Variants in ANO4 observed in about 807,000 individuals in gnomAD.
ANO4 encodes anoctamin-4.
ANO4 carries 69 observed loss-of-function variants against 141.9 expected under a neutral mutation model. That is an observed-to-expected ratio of 0.49 (90% CI 0.40 to 0.59). The LOEUF (loss-of-function observed/expected upper bound fraction) is 0.59, where lower values mean the gene tolerates loss of function less well. ANO4 is among the 20% of genes least tolerant of loss of function. ANO4 has a pLI of 0.00. For missense variants in ANO4, 894 were observed against 1,162.2 expected (o/e 0.77, Z 3.36); for synonymous variants, 350 against 394.3 (o/e 0.89, Z 1.33).
intron 11 of ANO4, 150 bp from the exon 12 acceptor site, chr12:101,042,184 A>G: frequency 2.2e-6 from 2 of 926,060 alleles, no homozygotes; most frequent in Non-Finnish European, 3.2e-6. Context: ...CCCAGATCCT[A>G]GATTTGATGG....
intron 1 of ANO4, among the ~76,000 whole-genome samples, chr12:100,795,278 G>A (rs1171960788): frequency 6.6e-6 from 1 of 152,188 alleles, no homozygotes; most frequent in African/African-American, 2.4e-5. Context: ...TGTCCTTGAA[G>A]CAGCAGCCGG....
At chr12:100,754,736 G>A (rs183046842) in intron 3 of ANO4, among the ~76,000 whole-genome samples, 3 of 152,312 alleles carry the variant, frequency 2.0e-5, no homozygotes, top group Admixed American at 2.0e-4. Context: ...TTATTCAGCT[G>A]TAGAAGGAAT....
chr12:100,834,662 CA>C (rs1213153720), intron 1 of ANO4, among the ~76,000 whole-genome samples: 2 of 152,014 alleles, frequency 1.3e-5, no homozygotes, highest in African/African-American at 4.8e-5. Flanking sequence ...AGTCAATGAG[CA>C]AGATTAGAAA....
chr12:100,929,060 A>C lies in ANO4; in HGVS notation c.160+6730A>C, dbSNP rs530166926. On this transcript the variant is annotated intron_variant, in intron 3 of 27. Coordinates refer to ENST00000392977, the MANE Select transcript of ANO4 (RefSeq NM_001286615.2). ...TTGATACAGGCATACAATGTTTAGT[A>C]ATCACATCAGTGTAAATGGGGTATC... Among the ~76,000 whole-genome samples, 13 of 152,224 alleles carry C rather than the reference A, an allele frequency of 8.5e-5. No individual in the cohort carries two copies. The East Asian group carries it at 2.1e-3, about 25-fold the overall frequency.
At chr12:100,801,093 G>GTC (rs35462149) in intron 1 of ANO4, among the ~76,000 whole-genome samples, 10,550 of 147,142 alleles carry the variant, frequency 0.072, 464 homozygotes, top group East Asian at 0.24. Flanking sequence ...TTGTCTACTT[G>GTC]TCTCTCTCTC....
chr12:100,955,344 T>C (rs1259287385), intron 5 of ANO4, among the ~76,000 whole-genome samples: 2 of 152,114 alleles, frequency 1.3e-5, no homozygotes, highest in Non-Finnish European at 2.9e-5. Flanking sequence ...ATGGCTGGAA[T>C]GTTGGTGTTG....
chr12:101,086,630 G>A (rs1246321139), intron 16 of ANO4, 30 bp from the exon 17 acceptor site: 2 of 1,612,058 alleles, frequency 1.2e-6, no homozygotes, highest in Admixed American at 1.7e-5. Flanking sequence ...TCCACCAAGA[G>A]GTTCACCGGG....
At chr12:100,923,964 G>T (rs1457526225) in intron 3 of ANO4, among the ~76,000 whole-genome samples, 3 of 151,958 alleles carry the variant, frequency 2.0e-5, no homozygotes, top group African/African-American at 4.8e-5. Context: ...CATATCCTTT[G>T]CCCACTTTTT....
At chr12:101,057,679 T>C (rs2048178702) in intron 14 of ANO4, among the ~76,000 whole-genome samples, 1 of 152,222 alleles carries the variant, frequency 6.6e-6, no homozygotes, top group South Asian at 2.1e-4. Context: ...GAAGTTTCTG[T>C]TCATATCCTT....
At chr12:100,773,408 C>T (rs2033377773) in intron 3 of ANO4, among the ~76,000 whole-genome samples, 1 of 152,322 alleles carries the variant, frequency 6.6e-6, no homozygotes, top group East Asian at 1.9e-4. Context: ...CTGGTCATTG[C>T]ACAAGAATAT....
At chr12:101,048,217 T>C in intron 13 of ANO4, 124 bp from the exon 14 acceptor site, 2 of 1,156,704 alleles carry the variant, frequency 1.7e-6, no homozygotes, top group Non-Finnish European at 2.4e-6. Context: ...ATATTCCCCC[T>C]ACCCAAAACA....
intron 1 of ANO4, among the ~76,000 whole-genome samples, chr12:100,842,684 TG>T (rs1321424256): frequency 6.6e-6 from 1 of 152,112 alleles, no homozygotes; most frequent in Non-Finnish European, 1.5e-5. Flanking sequence ...ATTCAGTGTC[TG>T]GTGAGGGCTG....
intron 3 of ANO4, among the ~76,000 whole-genome samples, chr12:100,788,970 C>T (rs564809559): frequency 2.0e-5 from 3 of 151,620 alleles, no homozygotes; most frequent in African/African-American, 4.8e-5. Flanking sequence ...GGGTTCCAAG[C>T]AAAAGAAACA....
upstream of ANO4, among the ~76,000 whole-genome samples, chr12:100,792,753 A>G (rs771710867): frequency 4.6e-5 from 7 of 152,196 alleles, no homozygotes; most frequent in South Asian, 2.1e-4. Flanking sequence ...TATTCAAGGT[A>G]TGAACCCGTT....
chr12:100,858,553 T>TA (rs1222949285), intron 1 of ANO4, among the ~76,000 whole-genome samples: 5 of 152,206 alleles, frequency 3.3e-5, no homozygotes, highest in South Asian at 2.1e-4. Context: ...TCCCTCAATT[T>TA]AAAAAAATCC....
At chr12:100,854,108 C>G (rs1486197577) in intron 1 of ANO4, among the ~76,000 whole-genome samples, 3 of 152,026 alleles carry the variant, frequency 2.0e-5, no homozygotes, top group Non-Finnish European at 4.4e-5. Context: ...TGAAAAATAT[C>G]TTTATTTTGC....
intron 3 of ANO4, among the ~76,000 whole-genome samples, chr12:100,766,048 G>A (rs571128868): frequency 6.6e-6 from 1 of 152,048 alleles, no homozygotes; most frequent in African/African-American, 2.4e-5. Flanking sequence ...GTCTCTGGTA[G>A]TCACCATTTT....
intron 14 of ANO4, 52 bp from the exon 15 acceptor site, chr12:101,079,141 C>T (rs2049139940): frequency 2.0e-6 from 3 of 1,490,344 alleles, no homozygotes; most frequent in Non-Finnish European, 1.9e-6. Flanking sequence ...CAGTTAAGAG[C>T]CTTGTTTTAC....
intron 1 of ANO4, among the ~76,000 whole-genome samples, chr12:100,803,805 G>C (rs1048371186): frequency 1.3e-5 from 2 of 152,158 alleles, no homozygotes; most frequent in Non-Finnish European, 2.9e-5. Context: ...AGTCCATGGA[G>C]AGCCCTTAGC....
Sources: allele counts gnomAD v4.1 joint callset (sites outside exome capture counted in the v4.1 genomes callset), GRCh38; gene constraint gnomAD v4.1.1; transcripts MANE v1.5; gene names NCBI Gene and HGNC (gene_info 2026-07-23, HGNC 2026-07-21).